Variants in ACOXL observed in about 807,000 individuals in gnomAD.
ACOXL encodes acyl-coenzyme A oxidase-like protein.
Under a neutral mutation model 71.9 loss-of-function variants are expected in ACOXL, and 70 were observed. The observed-to-expected ratio is 0.97, with a 90% CI of 0.80 to 1.19. ACOXL has a LOEUF of 1.19. Among genes scored for constraint, ACOXL ranks in the 50% most tolerant of loss-of-function variants. The pLI is 0.00. For missense variants in ACOXL, 703 were observed against 736.3 expected (o/e 0.95, Z 0.52); for synonymous variants, 253 against 281.6 (o/e 0.90, Z 1.02).
intron 12 of ACOXL, among the ~76,000 whole-genome samples, chr2:110,936,357 C>T (rs987890926): frequency 7.9e-5 from 12 of 152,248 alleles, no homozygotes; most frequent in African/African-American, 2.6e-4. Context: ...CCTTGAACTC[C>T]TGGGCTCAAG....
chr2:111,041,726 C>G (rs1311466406), intron 15 of ACOXL, among the ~76,000 whole-genome samples: 1 of 152,196 alleles, frequency 6.6e-6, no homozygotes, highest in Non-Finnish European at 1.5e-5. Flanking sequence ...GGGAGGGCAG[C>G]CCCCTGCACA....
intron 11 of ACOXL, among the ~76,000 whole-genome samples, chr2:110,921,396 C>T (rs1410435339): frequency 2.3e-5 from 3 of 130,636 alleles, no homozygotes; most frequent in East Asian, 4.8e-4. Context: ...CCACCCCCCC[C>T]CCCCTTTTTT....
intron 9 of ACOXL, among the ~76,000 whole-genome samples, chr2:110,839,393 T>C (rs1314885388): frequency 6.6e-6 from 1 of 152,258 alleles, no homozygotes; most frequent in African/African-American, 2.4e-5. Flanking sequence ...TTTATTTCTT[T>C]CCCAAAGTAA....
In ACOXL at chr2:110,933,515, A is replaced by G. The variant is rs2149341480; in HGVS notation, c.932A>G (p.Asp311Gly). 6.2e-7 allele frequency: 1 copy of G among 1,614,118 alleles called. No individual in the cohort carries two copies. The highest frequency in any genetic ancestry group is 1.7e-5 in the Admixed American group (1 of 60,012). The change falls in exon 12 of 18, where the codon GAT becomes GGT. Residue 311 changes from aspartate to glycine, a missense_variant. Coordinates refer to ENST00000439055, the MANE Select transcript of ACOXL (RefSeq NM_001142807.4). ...TATGCTGGGGCCCTCCTGGATGAGG[A>G]TGTCTTCCAGGGAAAGGAGCTGGTC... Reference protein sequence around the residue: ...SRYAGALLDEDVFQGKELVNS... With the variant: ...SRYAGALLDEGVFQGKELVNS...
At chr2:110,836,441 C>G (rs1335875501) in intron 9 of ACOXL, among the ~76,000 whole-genome samples, 2 of 151,782 alleles carry the variant, frequency 1.3e-5, no homozygotes, top group African/African-American at 2.4e-5. Flanking sequence ...GTCCATGGCT[C>G]TCTTTGAGTG....
chr2:111,117,726 G>C lies in ACOXL; in HGVS notation c.1653G>C (p.Arg551=), dbSNP rs1446216496. 3 of 1,551,694 alleles carry C rather than the reference G, an allele frequency of 1.9e-6. No individual in the cohort carries two copies. The highest frequency in any genetic ancestry group is 2.0e-5 in the Admixed American group (1 of 51,018). Reference sequence around the variant, plus strand: ...CAATCGCCGGAATCTCCAACCCGCGGGCCGCGTGGGCTTTCTACCCTGCAC... The same window carrying C: ...CAATCGCCGGAATCTCCAACCCGCGCGCCGCGTGGGCTTTCTACCCTGCAC... The part of the protein sequence containing the change: ...HAPIAGISNP[R]AAWAFYPAPL... Residue 551 remains arginine (R), a synonymous_variant, in exon 18 of 18, where the codon CGG becomes CGC. Coordinates refer to ENST00000439055, the MANE Select transcript of ACOXL (RefSeq NM_001142807.4).
At chr2:110,858,359 G>T (rs1693525909) in intron 10 of ACOXL, among the ~76,000 whole-genome samples, 3 of 152,228 alleles carry the variant, frequency 2.0e-5, no homozygotes, top group Admixed American at 2.0e-4. Flanking sequence ...CCCCGAGACA[G>T]ACGTGGAGCT....
At chr2:110,813,395 T>A (rs1188280558) in intron 9 of ACOXL, among the ~76,000 whole-genome samples, 1 of 152,182 alleles carries the variant, frequency 6.6e-6, no homozygotes, top group Non-Finnish European at 1.5e-5. Context: ...TGCTTCCCAG[T>A]GCTCCCAGCC....
At chr2:111,089,298 A>AAAACAAAC (rs368776745) in intron 16 of ACOXL, among the ~76,000 whole-genome samples, 3 of 152,028 alleles carry the variant, frequency 2.0e-5, no homozygotes, top group Non-Finnish European at 2.9e-5. Context: ...CTCCGTCTCA[A>AAAACAAAC]AAACAAACAA....
intron 10 of ACOXL, among the ~76,000 whole-genome samples, chr2:110,906,199 CAA>C (rs995140627): frequency 6.6e-6 from 1 of 152,084 alleles, no homozygotes; most frequent in East Asian, 1.9e-4. Context: ...GTGGCCAAGA[CAA>C]AGAGTTCGCC....
At chr2:111,091,715 CTT>C (rs2068532171) in intron 16 of ACOXL, among the ~76,000 whole-genome samples, 1 of 152,180 alleles carries the variant, frequency 6.6e-6, no homozygotes, top group Admixed American at 6.5e-5. Context: ...ACTGTCCAGA[CTT>C]TGGTAATTTC....
chr2:111,029,015 G>C (rs2065143759), intron 14 of ACOXL, among the ~76,000 whole-genome samples: 1 of 152,162 alleles, frequency 6.6e-6, no homozygotes, highest in Non-Finnish European at 1.5e-5. Context: ...CCAAGTTACT[G>C]AACATTTCTG....
At chr2:111,018,000 C>T (rs377016973) in intron 14 of ACOXL, 39 of 152,272 alleles carry the variant, frequency 2.6e-4, no homozygotes, top group African/African-American at 8.9e-4. Context: ...ATGTAAGTCC[C>T]TTAGTTACGG....
At chr2:111,042,014 G>A (rs746220508) in intron 15 of ACOXL, among the ~76,000 whole-genome samples, 11 of 152,318 alleles carry the variant, frequency 7.2e-5, no homozygotes, top group East Asian at 1.9e-4. Flanking sequence ...CCCAGAACAC[G>A]GCAGGCAGGT....
chr2:110,883,335 C>G, intron 10 of ACOXL, among the ~76,000 whole-genome samples: 1 of 152,118 alleles, frequency 6.6e-6, no homozygotes, highest in South Asian at 2.1e-4. Context: ...GTCTCAAACT[C>G]GTAGCCCCAA....
At chr2:110,844,553 T>C (rs1227951368) in intron 10 of ACOXL, among the ~76,000 whole-genome samples, 1 of 148,340 alleles carries the variant, frequency 6.7e-6, no homozygotes, top group African/African-American at 2.5e-5. Context: ...TTCTTTTCTT[T>C]TTTTTTTTTT....
chr2:110,756,464 TC>T (rs1679717160), intron 1 of ACOXL, among the ~76,000 whole-genome samples: 2 of 152,232 alleles, frequency 1.3e-5, no homozygotes, highest in Admixed American at 6.5e-5. Context: ...GATCATTTCT[TC>T]AGTTCCTTTG....
intron 2 of ACOXL, among the ~76,000 whole-genome samples, chr2:110,774,301 T>C (rs1682366125): frequency 1.3e-5 from 2 of 152,128 alleles, no homozygotes; most frequent in South Asian, 4.1e-4. Context: ...TATAAACTAA[T>C]AAACAAAGTA....
chr2:110,735,551 AGAG>A (rs1676726102), intron 1 of ACOXL, among the ~76,000 whole-genome samples: 1 of 152,242 alleles, frequency 6.6e-6, no homozygotes, highest in Non-Finnish European at 1.5e-5. Flanking sequence ...CACTCTCCTC[AGAG>A]GAGGAGTTCA....
Sources: allele counts gnomAD v4.1 joint callset (sites outside exome capture counted in the v4.1 genomes callset), GRCh38; gene constraint gnomAD v4.1.1; transcripts MANE v1.5; gene names NCBI Gene and HGNC (gene_info 2026-07-23, HGNC 2026-07-21).